Variants in WNT9A observed in about 807,000 individuals in gnomAD.
WNT9A encodes Wnt family member 9A.
A neutral mutation model predicts 31.4 loss-of-function variants in WNT9A; 8 were observed. The ratio of observed to expected loss-of-function variants is 0.26; its 90% CI spans 0.15 to 0.46. WNT9A has a LOEUF of 0.46. WNT9A is among the 20% of genes least tolerant of loss of function. The pLI is 0.99. For missense variants in WNT9A, 457 were observed against 522.9 expected, an observed-to-expected ratio of 0.87 and a Z score of 1.23; for synonymous variants, 236 against 220.1, an observed-to-expected ratio of 1.07 and a Z score of -0.64.
At position 227,925,256 on chromosome 1, in the gene WNT9A, C is replaced by T; in HGVS notation, c.352+7G>A. On this transcript the variant is annotated splice_region_variant and intron_variant, in intron 2 of 3. Coordinates refer to ENST00000272164, the MANE Select transcript of WNT9A (RefSeq NM_003395.4). This position sits in a 1 kb window ranked among gnomAD's most constrained non-coding sequence, Gnocchi z 6.0. Reference sequence around the variant, plus strand: ...GCCTTCCTGAGGGCCAGGCCGGCCACACTCACCTCGCTTGAGCAGGCTGGC... The same window carrying T: ...GCCTTCCTGAGGGCCAGGCCGGCCATACTCACCTCGCTTGAGCAGGCTGGC... The T allele has an allele frequency of 6.5e-7, 1 of 1,542,930 alleles. No individual in the cohort carries two copies. The highest frequency in any genetic ancestry group is 8.8e-7 in the Non-Finnish European group (1 of 1,142,024).
intron 1 of WNT9A, among the ~76,000 whole-genome samples, chr1:227,941,086 C>T (rs73108778): frequency 0.023 from 3,488 of 152,314 alleles, 74 homozygotes; most frequent in African/African-American, 0.056. Flanking sequence ...CGGGAAGGTG[C>T]GGCAGCCTGG....
At chr1:227,930,999 C>A (rs1442735730) in intron 1 of WNT9A, among the ~76,000 whole-genome samples, 71 of 142,500 alleles carry the variant, frequency 5.0e-4, no homozygotes, top group African/African-American at 7.2e-4. Flanking sequence ...GACTCCGTCT[C>A]AAAAAAAAAA....
intron 1 of WNT9A, among the ~76,000 whole-genome samples, chr1:227,937,827 C>T (rs942205471): frequency 6.6e-5 from 10 of 152,244 alleles, no homozygotes; most frequent in African/African-American, 2.4e-4. Flanking sequence ...TGACAGCAGC[C>T]CCAGGACAGC....
rs1485207748 is a variant in WNT9A at position 227,926,662 on chromosome 1, C to T, written c.96-1143G>A. On this transcript the variant is annotated intron_variant, in intron 1 of 3. Transcript: ENST00000272164. The surrounding 1 kb of genome is among the most constrained non-coding windows in gnomAD (Gnocchi z 5.0). The stretch of plus-strand genomic sequence containing the variant: ...TAGGAGGGCACCCACCTGGACAGGG[C>T]CAGGGCTTGGAGGCCCCTCCTGAAA... Among the ~76,000 whole-genome samples, 1 of 151,932 alleles carries T rather than the reference C, an allele frequency of 6.6e-6. No individual in the cohort carries two copies. The highest frequency in any genetic ancestry group is 2.4e-5 in the African/African-American group (1 of 41,364).
Position 227,925,341 on chromosome 1 carries a change from C to G in WNT9A, c.274G>C (p.Glu92Gln), listed in dbSNP as rs1322335112. 6 of 1,610,530 alleles carry G rather than the reference C, an allele frequency of 3.7e-6. No homozygotes were observed. In the East Asian group the frequency reaches 1.3e-4, roughly 36 times the overall value. ...TCAAAGCGGAACTGGAACTGGCACTCGAGCGCACTCATGCTCACGGCCTCC... is the reference window on the plus strand; with the variant it reads ...TCAAAGCGGAACTGGAACTGGCACTGGAGCGCACTCATGCTCACGGCCTCC... ...LVEAVSMSALECQFQFRFERW... is the reference protein window; with the variant it reads ...LVEAVSMSALQCQFQFRFERW... The change falls in exon 2 of 4, where the codon GAG (glutamate) becomes CAG (glutamine). Residue 92 changes from glutamate (E) to glutamine (Q), a missense_variant. Glu to Gln is a conservative substitution (Grantham distance 29). Coordinates refer to ENST00000272164, the MANE Select transcript of WNT9A (RefSeq NM_003395.4). This position sits in a 1 kb window ranked among gnomAD's most constrained non-coding sequence, Gnocchi z 6.0.
rs779992922 is a variant in WNT9A, at chr1:227,924,252, GC to G, written c.500del (p.Gly167AlafsTer38). The G allele has an allele frequency of 1.9e-6, 3 of 1,613,742 alleles. No homozygotes were observed. Among genetic ancestry groups the G allele is most frequent in the Non-Finnish European group, 2.5e-6 (3 of 1,179,978 alleles). ...LENREAWQWG[G>X]CGDNLKYSSK... ...TGCTGTACTTAAGGTTGTCTCCGCA[GC>G]CCCCCCACTGCCAGGCCTCACGGTT... On this transcript the variant is annotated frameshift_variant, in exon 3 of 4. Transcript: ENST00000272164. LOFTEE classifies it high-confidence loss of function.
chr1:227,947,212 A>G (rs1432370394), intron 1 of WNT9A, among the ~76,000 whole-genome samples: 3 of 151,934 alleles, frequency 2.0e-5, no homozygotes, highest in Non-Finnish European at 4.4e-5. Context: ...GCCAGGTTCC[A>G]TGGACGCGCT....
intron 3 of WNT9A, 45 bp downstream of exon 3, chr1:227,924,093 C>T (rs749881366): frequency 2.0e-6 from 2 of 1,011,614 alleles, no homozygotes; most frequent in South Asian, 3.1e-5. Flanking sequence ...CCCTGACGCT[C>T]TTTCTGACCC....
chr1:227,937,523 C>G (rs1666615673), intron 1 of WNT9A, among the ~76,000 whole-genome samples: 1 of 152,264 alleles, frequency 6.6e-6, no homozygotes, highest in Non-Finnish European at 1.5e-5. Flanking sequence ...AAGATCATCC[C>G]AGACATGGTG....
At chr1:227,945,445 G>A (rs766115721) in intron 1 of WNT9A, among the ~76,000 whole-genome samples, 21 of 152,140 alleles carry the variant, frequency 1.4e-4, no homozygotes, top group Non-Finnish European at 2.4e-4. Context: ...GGCAGCGGGC[G>A]CCAGCCAGGG....
At chr1:227,945,027 A>C (rs918000378) in intron 1 of WNT9A, among the ~76,000 whole-genome samples, 2 of 152,050 alleles carry the variant, frequency 1.3e-5, no homozygotes, top group African/African-American at 2.4e-5. Flanking sequence ...CCCAGCCCTG[A>C]CTCCACATCC....
chr1:227,924,085 CTGACG>C, intron 3 of WNT9A, 48 bp downstream of exon 3: 19 of 1,063,488 alleles, frequency 1.8e-5, no homozygotes, highest in South Asian at 1.2e-4. Flanking sequence ...CCCCAACCCC[CTGACG>C]CTCTTTCTGA....
chr1:227,934,828 T>C (rs1666563697), intron 1 of WNT9A, among the ~76,000 whole-genome samples: 1 of 150,848 alleles, frequency 6.6e-6, no homozygotes, highest in African/African-American at 2.4e-5. Flanking sequence ...CAGTTCACCA[T>C]ACAGAGCCTG....
In WNT9A at chr1:227,925,359, C is replaced by T. The variant is rs10916246; in HGVS notation, c.256G>A (p.Val86Met). 2.0e-5 allele frequency: 33 copies of T among 1,611,234 alleles called. No homozygotes were observed. Among genetic ancestry groups the T allele is most frequent in the African/African-American group, 1.3e-4 (10 of 75,018 alleles). The stretch of plus-strand genomic sequence containing the variant: ...TGGCACTCGAGCGCACTCATGCTCA[C>T]GGCCTCCACCAGCGTCTCTGCCACG... ...PGVAETLVEA[V>M]SMSALECQFQ... Residue 86 changes from valine to methionine, a missense_variant, in exon 2 of 4, where the codon GTG becomes ATG. By Grantham distance (21) the Val-to-Met change is conservative. Coordinates refer to ENST00000272164, the MANE Select transcript of WNT9A (RefSeq NM_003395.4). The surrounding 1 kb of genome is among the most constrained non-coding windows in gnomAD (Gnocchi z 6.0).
chr1:227,944,110 T>G (rs559252679), intron 1 of WNT9A, among the ~76,000 whole-genome samples: 2 of 152,262 alleles, frequency 1.3e-5, no homozygotes, highest in East Asian at 3.9e-4. Context: ...TTATCCATCA[T>G]AGCCAAACAG....
intron 1 of WNT9A, among the ~76,000 whole-genome samples, chr1:227,938,263 C>A (rs184271719): frequency 2.1e-5 from 3 of 142,114 alleles, no homozygotes; most frequent in East Asian, 2.1e-4. Flanking sequence ...ACACACACAC[C>A]CCCATACAAA....
At position 227,926,220 on chromosome 1, in the gene WNT9A, C is replaced by T. The variant is rs1024120027; in HGVS notation, c.96-701G>A. Among the ~76,000 whole-genome samples, 1 of 152,096 alleles carries T rather than the reference C, an allele frequency of 6.6e-6. No homozygotes were observed. The highest frequency in any genetic ancestry group is 6.5e-5 in the Admixed American group (1 of 15,280). On this transcript the variant is annotated intron_variant, in intron 1 of 3. Transcript: ENST00000272164. This position sits in a 1 kb window ranked among gnomAD's most constrained non-coding sequence, Gnocchi z 5.0. ...ACCCCAGCTAACCCATCCCCATAGG[C>T]CACCCCTGGGGGCCTCTGAGCTGAT...
At position 227,925,124 on chromosome 1, in the gene WNT9A, G is replaced by T; in HGVS notation, c.352+139C>A. 1 of 1,331,410 alleles carries T rather than the reference G, an allele frequency of 7.5e-7. No individual in the cohort carries two copies. Among genetic ancestry groups the T allele is most frequent in the Non-Finnish European group, 9.8e-7 (1 of 1,016,064 alleles). The allele number at this position is 1,331,410 out of a possible 1,614,324, so 82.5% of individuals were successfully genotyped here. On this transcript the variant is annotated intron_variant, in intron 2 of 3. Transcript: ENST00000272164. This position sits in a 1 kb window ranked among gnomAD's most constrained non-coding sequence, Gnocchi z 6.0. ...AGGTCCCGGGGCTGCCCTTTCCAGGGCCTAGGCCCAGGAGCTCTGGGCAGG... is the reference window on the plus strand; with the variant it reads ...AGGTCCCGGGGCTGCCCTTTCCAGGTCCTAGGCCCAGGAGCTCTGGGCAGG...
At chr1:227,935,483 G>A (rs972510002) in intron 1 of WNT9A, among the ~76,000 whole-genome samples, 6 of 152,180 alleles carry the variant, frequency 3.9e-5, no homozygotes, top group South Asian at 2.1e-4. Context: ...TTCTTCTCTC[G>A]AGATTCCCTC....
Sources: gnomAD v4.1 joint callset for allele counts (sites outside exome capture counted in the v4.1 genomes callset) on GRCh38, gnomAD v4.1.1 for gene constraint, Gnocchi (gnomAD v3.1) non-coding constraint, MANE v1.5 for transcripts, NCBI Gene and HGNC (gene_info 2026-07-23, HGNC 2026-07-21) for gene names.